Variants in DNM3 observed in about 807,000 individuals in gnomAD.
The protein encoded by DNM3 is dynamin-3.
A neutral mutation model predicts 101.6 loss-of-function variants in DNM3; 47 were observed. The ratio of observed to expected loss-of-function variants is 0.46; its 90% CI spans 0.37 to 0.59. DNM3 has a LOEUF of 0.59. Among genes scored for constraint, DNM3 ranks in the 20% least tolerant of loss-of-function variants. The pLI is 0.00. For synonymous variants in DNM3, 385 were observed against 387.9 expected, an observed-to-expected ratio of 0.99 and a Z score of 0.09; for missense variants, 849 against 1,085.7, an observed-to-expected ratio of 0.78 and a Z score of 3.06.
In DNM3 at chr1:172,411,097, T is replaced by C; in HGVS notation, c.*3256T>C. 1.0e-6 allele frequency: 1 copy of C among 983,690 alleles called. No individual in the cohort carries two copies. The highest frequency in any genetic ancestry group is 1.2e-6 in the Non-Finnish European group (1 of 828,378). The allele number at this position is 983,690 out of a possible 1,614,324, so 60.9% of individuals were successfully genotyped here. ...TGTGCACTGTGTGTATATATATAAATATATGTATATGTATGGTTGTAAATA... is the reference window on the plus strand; with the variant it reads ...TGTGCACTGTGTGTATATATATAAACATATGTATATGTATGGTTGTAAATA... On this transcript the variant is annotated 3_prime_UTR_variant, in exon 21 of 21. Coordinates refer to ENST00000627582, the MANE Select transcript of DNM3 (RefSeq NM_015569.5).
intron 11 of DNM3, among the ~76,000 whole-genome samples, chr1:172,070,287 G>C (rs1344745951): frequency 6.6e-6 from 1 of 152,136 alleles, no homozygotes; most frequent in Non-Finnish European, 1.5e-5. Flanking sequence ...GCCAGATATG[G>C]AGCCCTAGGG....
chr1:172,033,263 C>G lies in DNM3; in HGVS notation c.847C>G (p.Gln283Glu). The G allele has an allele frequency of 6.3e-7, 1 of 1,593,374 alleles. No homozygotes were observed. Among genetic ancestry groups the G allele is most frequent in the Non-Finnish European group, 8.5e-7 (1 of 1,169,600 alleles). The change falls in exon 6 of 21, where the codon CAG becomes GAG. Residue 283 changes from glutamine (Q) to glutamate (E), a missense_variant and splice_region_variant. Gln to Glu is a conservative substitution (Grantham distance 29). Coordinates refer to ENST00000627582, the MANE Select transcript of DNM3 (RefSeq NM_015569.5). ...CCCACACCTGCAGAAGGTCCTTAAT[C>G]AGGTAAAAATGTTCTTTCAAGCAAC... ...GTPHLQKVLN[Q>E]QLTNHIRDTL... is the part of the protein sequence containing the mutation.
chr1:172,192,283 A>G (rs1044235781), intron 14 of DNM3, among the ~76,000 whole-genome samples: 2 of 151,646 alleles, frequency 1.3e-5, no homozygotes, highest in African/African-American at 4.8e-5. Context: ...TTCTGTTTAT[A>G]TGATGGATTA....
intron 14 of DNM3, among the ~76,000 whole-genome samples, chr1:172,161,166 T>A (rs1480495647): frequency 6.6e-6 from 1 of 150,524 alleles, no homozygotes; most frequent in East Asian, 1.9e-4. Context: ...TAGGCCGTGG[T>A]TTTCACCTCC....
chr1:171,851,045 G>A (rs2032893199), intron 1 of DNM3, among the ~76,000 whole-genome samples: 1 of 152,174 alleles, frequency 6.6e-6, no homozygotes, highest in South Asian at 2.1e-4. Flanking sequence ...TGTGCCACAG[G>A]TAAGCAAGGT....
At chr1:172,022,932 G>C (rs2047945863) in intron 4 of DNM3, among the ~76,000 whole-genome samples, 1 of 152,042 alleles carries the variant, frequency 6.6e-6, no homozygotes. Flanking sequence ...TCCTGAAAAT[G>C]TTATTCATAG....
At chr1:171,955,204 G>T (rs918555715) in intron 2 of DNM3, among the ~76,000 whole-genome samples, 23 of 152,120 alleles carry the variant, frequency 1.5e-4, no homozygotes, top group Admixed American at 6.6e-5. Flanking sequence ...TTTACTGCTT[G>T]CATGGCTGCA....
intron 1 of DNM3, among the ~76,000 whole-genome samples, chr1:171,854,821 C>T (rs1470276239): frequency 2.0e-5 from 3 of 151,932 alleles, no homozygotes; most frequent in East Asian, 1.9e-4. Flanking sequence ...CCAGCCTCCA[C>T]CTCCCAAAGT....
chr1:172,138,783 G>A (rs2057399353), intron 14 of DNM3: 3 of 399,984 alleles, frequency 7.5e-6, no homozygotes, highest in Non-Finnish European at 1.5e-5. Context: ...TTCTTTCAAT[G>A]GCTGGTTGTC....
intron 14 of DNM3, among the ~76,000 whole-genome samples, chr1:172,222,893 A>T (rs567950640): frequency 2.4e-4 from 36 of 152,226 alleles, no homozygotes; most frequent in Admixed American, 2.1e-3. Flanking sequence ...TGTATGTATG[A>T]TTCTTGTCCT....
chr1:172,132,807 T>C, intron 14 of DNM3: 1 of 704,584 alleles, frequency 1.4e-6, no homozygotes, highest in South Asian at 1.6e-5. Context: ...CTACTATCCC[T>C]ATTGTTGATG....
intron 15 of DNM3, among the ~76,000 whole-genome samples, chr1:172,269,793 C>T (rs1186648179): frequency 1.3e-5 from 2 of 152,072 alleles, no homozygotes; most frequent in East Asian, 3.9e-4. Flanking sequence ...TAGCGTGGGG[C>T]CCCCAGGCTG....
chr1:172,191,320 G>A (rs1489284245), intron 14 of DNM3, among the ~76,000 whole-genome samples: 1 of 152,080 alleles, frequency 6.6e-6, no homozygotes, highest in African/African-American at 2.4e-5. Context: ...AAGATCAGAT[G>A]ATTGTAGATA....
intron 13 of DNM3, among the ~76,000 whole-genome samples, chr1:172,120,746 G>A (rs1244317871): frequency 6.6e-6 from 1 of 152,182 alleles, no homozygotes; most frequent in East Asian, 1.9e-4. Context: ...ACCACTTCTT[G>A]GCAGCACCAA....
intron 13 of DNM3, among the ~76,000 whole-genome samples, chr1:172,103,705 T>G (rs2054812832): frequency 6.6e-6 from 1 of 152,130 alleles, no homozygotes; most frequent in Non-Finnish European, 1.5e-5. Context: ...GCATTTTACT[T>G]ATTGAAAGTT....
intron 15 of DNM3, among the ~76,000 whole-genome samples, chr1:172,291,244 G>GTGTGTGTGTGTGCACACGCATACA (rs1491292724): frequency 2.0e-5 from 3 of 152,126 alleles, no homozygotes; most frequent in Non-Finnish European, 4.4e-5. Flanking sequence ...TCTAGAGAAA[G>GTGTGTGTGTGTGCACACGCATACA]TGTGTGTGTG....
At chr1:172,177,346 A>G (rs1042047755) in intron 14 of DNM3, among the ~76,000 whole-genome samples, 5 of 151,826 alleles carry the variant, frequency 3.3e-5, no homozygotes, top group Admixed American at 6.6e-5. Flanking sequence ...AATTATTGTT[A>G]TCAATCTCTT....
At chr1:171,902,456 G>T (rs2038444783) in intron 1 of DNM3, among the ~76,000 whole-genome samples, 1 of 152,176 alleles carries the variant, frequency 6.6e-6, no homozygotes, top group African/African-American at 2.4e-5. Context: ...TGTGAGAAAT[G>T]TTTTTGTCTT....
At chr1:172,030,177 C>G (rs2048501061) in intron 4 of DNM3, among the ~76,000 whole-genome samples, 1 of 152,118 alleles carries the variant, frequency 6.6e-6, no homozygotes, top group African/African-American at 2.4e-5. Flanking sequence ...CTACAGTAAC[C>G]AAAACAGCAT....
Sources: gnomAD v4.1 joint callset for allele counts (sites outside exome capture counted in the v4.1 genomes callset) on GRCh38, gnomAD v4.1.1 for gene constraint, MANE v1.5 for transcripts, NCBI Gene and HGNC (gene_info 2026-07-23, HGNC 2026-07-21) for gene names.